Variants in WAC observed in about 807,000 individuals in gnomAD.
The protein encoded by WAC is WW domain-containing adapter protein with coiled-coil.
A neutral mutation model predicts 79.6 loss-of-function variants in WAC; 11 were observed. That is an observed-to-expected ratio of 0.14 (90% CI 0.09 to 0.23). The LOEUF (loss-of-function observed/expected upper bound fraction) is 0.23. Ranked by LOEUF, WAC falls within the 10% of genes least tolerant of loss-of-function variation. The probability of loss-of-function intolerance (pLI) is 1.00; values close to 1 mark genes in which losing one functional copy is unlikely to be tolerated. For synonymous variants in WAC, 304 were observed against 276.9 expected (o/e 1.10, Z -0.97); for missense variants, 728 against 773.5 (o/e 0.94, Z 0.70).
chr10:28,597,476 T>A (rs1216303557), intron 7 of WAC, among the ~76,000 whole-genome samples: 6 of 152,172 alleles, frequency 3.9e-5, no homozygotes, highest in African/African-American at 1.4e-4. Flanking sequence ...TTTTTGAAAT[T>A]CTTTCTCTGG....
At chr10:28,534,316 G>T in intron 2 of WAC, 1 of 384,122 alleles carries the variant, frequency 2.6e-6, no homozygotes, top group South Asian at 7.8e-5. Flanking sequence ...GATTATTTGC[G>T]AGTGAAGGAA....
At chr10:28,566,912 A>G (rs931789660) in intron 3 of WAC, among the ~76,000 whole-genome samples, 3 of 146,330 alleles carry the variant, frequency 2.1e-5, no homozygotes, top group African/African-American at 7.5e-5. Flanking sequence ...CTTTTATTTC[A>G]GGGAAGTTTT....
intron 3 of WAC, among the ~76,000 whole-genome samples, chr10:28,561,647 C>G (rs776692143): frequency 2.7e-4 from 41 of 151,964 alleles, no homozygotes; most frequent in Non-Finnish European, 4.6e-4. Context: ...TTTTGAAACC[C>G]CGGCGTCTTT....
chr10:28,587,210 A>G (rs941402307), intron 4 of WAC, among the ~76,000 whole-genome samples: 2 of 152,258 alleles, frequency 1.3e-5, no homozygotes, highest in East Asian at 1.9e-4. Flanking sequence ...AACCCATTAT[A>G]TGGTAACATA....
At position 28,581,573 on chromosome 10, in the gene WAC, G is replaced by C. The variant is rs536762196; in HGVS notation, c.275-1826G>C. Among the ~76,000 whole-genome samples, 314 of 151,938 alleles carry C rather than the reference G, an allele frequency of 2.1e-3. 1 individual carries two copies. Among genetic ancestry groups the C allele is most frequent in the African/African-American group, 7.2e-3 (300 of 41,420 alleles). The stretch of plus-strand genomic sequence containing the variant: ...TTGTTTGTTTGTTTGTTTGTTTTTT[G>C]AGACAGAGTCTTGCTCTGTTGCCCA... On this transcript the variant is annotated intron_variant, in intron 3 of 13. Coordinates refer to ENST00000354911, the MANE Select transcript of WAC (RefSeq NM_016628.5).
chr10:28,546,084 T>C (rs970848328), intron 3 of WAC, among the ~76,000 whole-genome samples: 1 of 152,244 alleles, frequency 6.6e-6, no homozygotes, highest in African/African-American at 2.4e-5. Context: ...GTGGTTGATA[T>C]ATTTAGATAG....
At chr10:28,600,751 A>G (rs544218342) in intron 7 of WAC, among the ~76,000 whole-genome samples, 134 of 152,304 alleles carry the variant, frequency 8.8e-4, no homozygotes, top group African/African-American at 3.0e-3. Flanking sequence ...TTCTTTATAA[A>G]AAGTACAATA....
rs961582789 is a variant in WAC at position 28,533,703 on chromosome 10, G to A, written c.41+83G>A. The stretch of plus-strand genomic sequence containing the variant: ...GTTCCTCCTTATCTGGAGCTGGCCG[G>A]GCCGCCATTTTTGTTGTTAACCCTG... On this transcript the variant is annotated intron_variant, in intron 1 of 13. Transcript: ENST00000354911. 17 of 1,468,870 alleles carry A rather than the reference G, an allele frequency of 1.2e-5. No individual in the cohort carries two copies. The African/African-American group carries it at 2.0e-4, about 17-fold the overall frequency. 91.0% of individuals were successfully genotyped at this position (1,468,870 alleles called of 1,614,324 possible).
At chr10:28,561,512 A>G (rs1207065588) in intron 3 of WAC, among the ~76,000 whole-genome samples, 1 of 151,938 alleles carries the variant, frequency 6.6e-6, no homozygotes, top group African/African-American at 2.4e-5. Context: ...TTTTTTAAAG[A>G]TGGCATAAAC....
chr10:28,612,044 C>T lies in WAC; in HGVS notation c.1437+122C>T, dbSNP rs951058233. ...TGAGGTGTAGTGGTGGAATGAATGACAGGTATGATAGTAGATGCAGCCTAG... is the reference window on the plus strand; with the variant it reads ...TGAGGTGTAGTGGTGGAATGAATGATAGGTATGATAGTAGATGCAGCCTAG... On this transcript the variant is annotated intron_variant, in intron 10 of 13. Transcript: ENST00000354911. The T allele has an allele frequency of 1.8e-5, 22 of 1,224,946 alleles. No homozygotes were observed. The East Asian group carries it at 5.1e-4, about 28-fold the overall frequency. 75.9% of individuals were successfully genotyped at this position (1,224,946 alleles called of 1,614,324 possible). A position where few individuals can be genotyped will look rare whatever the true frequency, so the allele number is the denominator to read the frequency against.
At chr10:28,533,838 TC>T in intron 1 of WAC, 159 bp from the exon 2 acceptor site, 1 of 1,040,672 alleles carries the variant, frequency 9.6e-7, no homozygotes, top group South Asian at 1.6e-5. Flanking sequence ...CTCCGGCCCT[TC>T]CGGAGGCTCC....
chr10:28,545,738 CTT>C (rs1350898238), intron 3 of WAC, among the ~76,000 whole-genome samples: 3 of 152,186 alleles, frequency 2.0e-5, no homozygotes, highest in Non-Finnish European at 4.4e-5. Flanking sequence ...AAATAGCTAA[CTT>C]AATATCCTGT....
Position 28,541,415 on chromosome 10 carries a change from GTTTTGTTTTTTTT to G in WAC, c.274+5663_274+5675del, listed in dbSNP as rs1177854952. Among the ~76,000 whole-genome samples, 14 of 37,904 alleles carry G rather than the reference GTTTTGTTTTTTTT, an allele frequency of 3.7e-4. 1 individual carries two copies. In the South Asian group the frequency reaches 4.7e-3, roughly 13 times the overall value. 24.9% of individuals were successfully genotyped at this position (37,904 alleles called of 152,430 possible). On this transcript the variant is annotated intron_variant, in intron 3 of 13. Transcript: ENST00000354911. ...TTTTTGTGGGGTTGTGTGTGTGTGT[GTTTTGTTTTTTTT>G]TTTTTTTTTTTTTTTTTTAAGACAG...
At chr10:28,547,288 G>A (rs981699437) in intron 3 of WAC, among the ~76,000 whole-genome samples, 8 of 152,024 alleles carry the variant, frequency 5.3e-5, no homozygotes, top group African/African-American at 1.2e-4. Context: ...TAATCCCAGC[G>A]CTTTGGGAGG....
intron 7 of WAC, among the ~76,000 whole-genome samples, chr10:28,597,271 T>G (rs1442546803): frequency 6.6e-6 from 1 of 152,172 alleles, no homozygotes; most frequent in Non-Finnish European, 1.5e-5. Flanking sequence ...AGAGAAATAT[T>G]GAGAGATGAA....
chr10:28,543,106 A>G (rs925606002), intron 3 of WAC, among the ~76,000 whole-genome samples: 3 of 152,262 alleles, frequency 2.0e-5, no homozygotes, highest in East Asian at 1.9e-4. Flanking sequence ...TTGAATGTGT[A>G]TACTAAGCAC....
intron 2 of WAC, among the ~76,000 whole-genome samples, chr10:28,534,993 C>T (rs1032501615): frequency 1.3e-5 from 2 of 152,214 alleles, no homozygotes; most frequent in Middle Eastern, 3.4e-3. Flanking sequence ...AGAAATAGTA[C>T]TCACATTAGT....
At position 28,535,594 on chromosome 10, in the gene WAC, T is replaced by G; in HGVS notation, c.111T>G (p.Ser37Arg). 1 of 1,613,978 alleles carries G rather than the reference T, an allele frequency of 6.2e-7. No homozygotes were observed. Among genetic ancestry groups the G allele is most frequent in the South Asian group, 1.1e-5 (1 of 91,082 alleles). ...AGTATTCATCGAAGAGTCACCCCAG[T>G]AGCGGTGATCACAGACATGAAAAGA... ...ALKYSSKSHPSSGDHRHEKMR... is the reference protein window; with the variant it reads ...ALKYSSKSHPRSGDHRHEKMR... Residue 37 changes from serine (S) to arginine (R), a missense_variant, in exon 3 of 14, where the codon AGT becomes AGG. By Grantham distance (110) the Ser-to-Arg change is moderately radical. Coordinates refer to ENST00000354911, the MANE Select transcript of WAC (RefSeq NM_016628.5).
chr10:28,602,290 CAAGTT>C (rs903282446), intron 7 of WAC, among the ~76,000 whole-genome samples: 9 of 152,146 alleles, frequency 5.9e-5, no homozygotes, highest in African/African-American at 1.4e-4. Flanking sequence ...TTGAATAAAA[CAAGTT>C]AAAGAATACT....
Sources: gnomAD v4.1 joint callset for allele counts (sites outside exome capture counted in the v4.1 genomes callset) on GRCh38, gnomAD v4.1.1 for gene constraint, MANE v1.5 for transcripts, NCBI Gene and HGNC (gene_info 2026-07-23, HGNC 2026-07-21) for gene names.